The following ASAP1 variants were observed in gnomAD, a reference collection of about 807,000 sequenced individuals.
ASAP1 encodes the protein arf-GAP with SH3 domain, ANK repeat and PH domain-containing protein 1.
A neutral mutation model predicts 145.2 loss-of-function variants in ASAP1; 43 were observed. The ratio of observed to expected loss-of-function variants is 0.30; its 90% CI spans 0.23 to 0.38. The LOEUF (loss-of-function observed/expected upper bound fraction) is 0.38. Among genes scored for constraint, ASAP1 ranks in the 10% least tolerant of loss-of-function variants. ASAP1 has a pLI of 1.00. For synonymous variants in ASAP1, 546 were observed against 515.5 expected (o/e 1.06, Z -0.80); for missense variants, 1,018 against 1,355.3 (o/e 0.75, Z 3.91).
chr8:130,314,795 A>C (rs1244233648), intron 3 of ASAP1, among the ~76,000 whole-genome samples: 2 of 152,242 alleles, frequency 1.3e-5, no homozygotes, highest in East Asian at 3.8e-4. Flanking sequence ...ACTGGTTTAG[A>C]TGTGGTCGGG....
intron 3 of ASAP1, among the ~76,000 whole-genome samples, chr8:130,322,599 C>T (rs75746302): frequency 6.6e-6 from 1 of 152,264 alleles, no homozygotes; most frequent in East Asian, 1.9e-4. Context: ...TCTAACAATT[C>T]CTTTGTACTT....
intron 13 of ASAP1, among the ~76,000 whole-genome samples, chr8:130,142,883 G>C (rs887409432): frequency 1.3e-5 from 2 of 152,162 alleles, no homozygotes; most frequent in South Asian, 2.1e-4. Context: ...GGGGTGGTGG[G>C]GGGGCAGTTG....
intron 11 of ASAP1, chr8:130,160,661 A>G (rs2097667279): frequency 2.1e-6 from 1 of 481,218 alleles, no homozygotes; most frequent in Non-Finnish European, 3.4e-6. Flanking sequence ...CTACATGACT[A>G]GAAACAGCCA....
rs548891119 is a variant in ASAP1 at position 130,133,957 on chromosome 8, T to A, written c.1217+339A>T. ...TAAAAGATGCATAAGGCACGGTCCT[T>A]GCCCTCGAAAAGCTCTTGGTCTCTA... On this transcript the variant is annotated intron_variant, in intron 15 of 29. Coordinates refer to ENST00000518721, the MANE Select transcript of ASAP1 (RefSeq NM_018482.4). Among the ~76,000 whole-genome samples, 4 of 152,318 alleles carry A rather than the reference T, an allele frequency of 2.6e-5. No homozygotes were observed. The East Asian group carries it at 7.7e-4, about 29-fold the overall frequency.
chr8:130,257,914 G>A (rs1349321975), intron 3 of ASAP1, among the ~76,000 whole-genome samples: 1 of 151,846 alleles, frequency 6.6e-6, no homozygotes, highest in African/African-American at 2.4e-5. Flanking sequence ...TGCAAATGTG[G>A]GGCCCCAAAT....
Position 130,428,231 on chromosome 8 carries a change from C to T in ASAP1, c.-28+15229G>A, listed in dbSNP as rs192382290. Among the ~76,000 whole-genome samples, 550 of 151,994 alleles carry T rather than the reference C, an allele frequency of 3.6e-3. 1 individual carries two copies. Among genetic ancestry groups the T allele is most frequent in the African/African-American group, 0.012 (512 of 41,438 alleles). ...GACTGGGAATATTTACTTTGAATCA[C>T]CTGCTCCTAGTATAATACCAACGAA... On this transcript the variant is annotated intron_variant, in intron 1 of 29. Transcript: ENST00000518721.
At chr8:130,082,568 A>C (rs2097483201) in intron 25 of ASAP1, among the ~76,000 whole-genome samples, 1 of 150,514 alleles carries the variant, frequency 6.6e-6, no homozygotes, top group African/African-American at 2.4e-5. Context: ...CAGTGGCATA[A>C]TCATAGCTCA....
At chr8:130,433,453 C>A (rs573657165) in intron 1 of ASAP1, among the ~76,000 whole-genome samples, 1 of 152,326 alleles carries the variant, frequency 6.6e-6, no homozygotes, top group Admixed American at 6.5e-5. Context: ...ACTGGGAGGA[C>A]TCTCTCCCTT....
At chr8:130,180,332 T>C (rs1233440875) in intron 8 of ASAP1, among the ~76,000 whole-genome samples, 1 of 152,234 alleles carries the variant, frequency 6.6e-6, no homozygotes, top group East Asian at 1.9e-4. Flanking sequence ...TGCTTTTTGT[T>C]GCATTTTTCG....
At chr8:130,370,125 AC>A (rs1827143083) in intron 2 of ASAP1, among the ~76,000 whole-genome samples, 1 of 151,966 alleles carries the variant, frequency 6.6e-6, no homozygotes, top group Non-Finnish European at 1.5e-5. Flanking sequence ...TCATGGCAAA[AC>A]CCCGTCTCTA....
chr8:130,411,955 A>T (rs1253425285), intron 1 of ASAP1, among the ~76,000 whole-genome samples: 2 of 152,152 alleles, frequency 1.3e-5, no homozygotes, highest in African/African-American at 2.4e-5. Context: ...CAGGATGGAA[A>T]GGGGTCTGCA....
intron 13 of ASAP1, among the ~76,000 whole-genome samples, chr8:130,146,315 T>G (rs1189587482): frequency 6.6e-6 from 1 of 152,150 alleles, no homozygotes; most frequent in Non-Finnish European, 1.5e-5. Flanking sequence ...TTTTTACCCC[T>G]TAGCATATAC....
chr8:130,274,021 G>GA (rs1168720243), intron 3 of ASAP1, among the ~76,000 whole-genome samples: 1 of 152,172 alleles, frequency 6.6e-6, no homozygotes, highest in African/African-American at 2.4e-5. Flanking sequence ...GCTACTAACT[G>GA]GCTTTGAGAT....
intron 3 of ASAP1, among the ~76,000 whole-genome samples, chr8:130,270,112 G>T (rs1048166291): frequency 6.6e-6 from 1 of 152,260 alleles, no homozygotes; most frequent in African/African-American, 2.4e-5. Flanking sequence ...AGATGCTGTA[G>T]TGAGCTGAGA....
intron 3 of ASAP1, among the ~76,000 whole-genome samples, chr8:130,272,828 A>G (rs1820665838): frequency 6.6e-6 from 1 of 152,222 alleles, no homozygotes; most frequent in South Asian, 2.1e-4. Context: ...GACAGATACT[A>G]GAGACTGGGA....
chr8:130,269,311 C>T (rs1820450871), intron 3 of ASAP1, among the ~76,000 whole-genome samples: 1 of 152,120 alleles, frequency 6.6e-6, no homozygotes, highest in African/African-American at 2.4e-5. Context: ...GAGAGAAGGC[C>T]AATGCAGATT....
intron 13 of ASAP1, among the ~76,000 whole-genome samples, chr8:130,140,611 C>T (rs2097608290): frequency 6.6e-6 from 1 of 152,264 alleles, no homozygotes; most frequent in South Asian, 2.1e-4. Flanking sequence ...CCATGATTGA[C>T]CCACAACTTC....
intron 22 of ASAP1, 134 bp from the exon 23 acceptor site, chr8:130,115,869 C>CTGCTTAGACAGAG (rs1291795677): frequency 1.5e-6 from 1 of 670,428 alleles, no homozygotes; most frequent in Non-Finnish European, 2.7e-6. Flanking sequence ...AGGCAACACT[C>CTGCTTAGACAGAG]TGCTTAGACA....
At chr8:130,437,621 C>A (rs977432899) in intron 1 of ASAP1, among the ~76,000 whole-genome samples, 2 of 126,716 alleles carry the variant, frequency 1.6e-5, no homozygotes, top group Non-Finnish European at 3.4e-5. Flanking sequence ...GATAGATAGA[C>A]TAACTACAAT....
Sources: gnomAD v4.1 joint callset for allele counts (sites outside exome capture counted in the v4.1 genomes callset) on GRCh38, gnomAD v4.1.1 for gene constraint, MANE v1.5 for transcripts, NCBI Gene and HGNC (gene_info 2026-07-23, HGNC 2026-07-21) for gene names.